Variants in SS18L1 observed in about 807,000 individuals in gnomAD.
SS18L1 encodes the protein calcium-responsive transactivator.
Under a neutral mutation model 70.3 loss-of-function variants are expected in SS18L1, and 32 were observed. The observed-to-expected ratio is 0.46, with a 90% CI of 0.34 to 0.61. SS18L1 has a LOEUF of 0.61. SS18L1 is among the 20% of genes least tolerant of loss of function. SS18L1 has a pLI of 0.01. For synonymous variants in SS18L1, 237 were observed against 229.7 expected (o/e 1.03, Z -0.29); for missense variants, 430 against 542.1 (o/e 0.79, Z 2.05).
intron 1 of SS18L1, among the ~76,000 whole-genome samples, chr20:62,146,183 C>T (rs1203145288): frequency 6.6e-6 from 1 of 152,146 alleles, no homozygotes; most frequent in Non-Finnish European, 1.5e-5. Context: ...TTCTACTCAA[C>T]CTTCAAAGCC....
chr20:62,152,570 A>C (rs1306216371), intron 1 of SS18L1, among the ~76,000 whole-genome samples: 1 of 152,218 alleles, frequency 6.6e-6, no homozygotes, highest in Non-Finnish European at 1.5e-5. Flanking sequence ...TCACAAGTGC[A>C]CATCAGGAAG....
chr20:62,151,075 C>A (rs2057121135), intron 1 of SS18L1, among the ~76,000 whole-genome samples: 1 of 152,214 alleles, frequency 6.6e-6, no homozygotes, highest in Non-Finnish European at 1.5e-5. Flanking sequence ...CCCCAGGCCT[C>A]CTCTGTCTGG....
At chr20:62,168,451 G>A (rs7267581) in intron 8 of SS18L1, among the ~76,000 whole-genome samples, 7,900 of 152,132 alleles carry the variant, frequency 0.052, 653 homozygotes, top group African/African-American at 0.18. Flanking sequence ...TGGAGAGGCT[G>A]GGGGGACGTT....
At chr20:62,143,976 G>A in intron 1 of SS18L1, 87 bp downstream of exon 1, 2 of 866,312 alleles carry the variant, frequency 2.3e-6, no homozygotes, top group South Asian at 1.0e-4. Flanking sequence ...GGCGGGCGCG[G>A]GGCGCGAACA....
At chr20:62,166,758 C>G (rs974851469) in intron 8 of SS18L1, among the ~76,000 whole-genome samples, 2 of 151,356 alleles carry the variant, frequency 1.3e-5, no homozygotes, top group Non-Finnish European at 2.9e-5. Context: ...AACCCCGTCT[C>G]TACTAAAAAT....
Position 62,143,826 on chromosome 20 carries a change from C to A in SS18L1, c.6C>A (p.Ser2=), listed in dbSNP as rs757318219. 7.4e-6 allele frequency: 10 copies of A among 1,343,790 alleles called. No homozygotes were observed. Among genetic ancestry groups the A allele is most frequent in the Non-Finnish European group, 8.8e-6 (9 of 1,017,782 alleles). The allele number at this position is 1,343,790 out of a possible 1,614,324, so 83.2% of individuals were successfully genotyped here. M[S]VAFASARPRG... is the part of the protein sequence containing the mutation. ...CTGAGCCCCGCGCCGCCACCATGTC[C>A]GTGGCCTTCGCGTCTGCCCGGCCAA... The change falls in exon 1 of 11, where the codon TCC becomes TCA. Residue 2 remains serine (S), a synonymous_variant. Coordinates refer to ENST00000331758, the MANE Select transcript of SS18L1 (RefSeq NM_198935.3).
In SS18L1 at chr20:62,180,450, T is replaced by A. The variant is rs943240887; in HGVS notation, c.*1242T>A. On this transcript the variant is annotated 3_prime_UTR_variant, in exon 11 of 11. Coordinates refer to ENST00000331758, the MANE Select transcript of SS18L1 (RefSeq NM_198935.3). ...TCAACCTTTAGTTGGAATAATAATA[T>A]TCATATTTGCTATGAATCCTTTTAA... 5.4e-6 allele frequency: 1 copy of A among 183,514 alleles called. No individual in the cohort carries two copies. The highest frequency in any genetic ancestry group is 2.3e-5 in the African/African-American group (1 of 42,618). The allele number at this position is 183,514 out of a possible 1,614,324, so 11.4% of individuals were successfully genotyped here. A position where few individuals can be genotyped will look rare whatever the true frequency, so the allele number is the denominator to read the frequency against.
rs1282966353 is a variant in SS18L1 at position 62,174,977 on chromosome 20, C to T, written c.1164+333C>T. 2.2e-6 allele frequency: 2 copies of T among 919,276 alleles called. No homozygotes were observed. Among genetic ancestry groups the T allele is most frequent in the African/African-American group, 3.6e-5 (2 of 55,812 alleles). 56.9% of individuals were successfully genotyped at this position (919,276 alleles called of 1,614,324 possible). On this transcript the variant is annotated intron_variant, in intron 10 of 10. Transcript: ENST00000331758. This position sits in a 1 kb window ranked among gnomAD's most constrained non-coding sequence, Gnocchi z 4.1. ...CTTGGTGTGTGGCCGCGACACGAAC[C>T]CTGCACTTTTAGAGCTTATGTCTCG...
chr20:62,170,002 C>T (rs1421974785), intron 8 of SS18L1, among the ~76,000 whole-genome samples: 5 of 152,298 alleles, frequency 3.3e-5, no homozygotes, highest in East Asian at 1.9e-4. Context: ...GTGCTGGGGC[C>T]GCCTTGGCTG....
rs1454546224 is a variant in SS18L1, at chr20:62,163,731, C to T, written c.721+109C>T. 4 of 1,397,054 alleles carry T rather than the reference C, an allele frequency of 2.9e-6. No homozygotes were observed. The African/African-American group carries it at 5.8e-5, about 20-fold the overall frequency. The allele number at this position is 1,397,054 out of a possible 1,614,324, so 86.5% of individuals were successfully genotyped here. ...GAGCCTGGGGGAGTGAGGCGGGGAG[C>T]CTGGGGGAGTGAGGCTTGGCGCCTT... On this transcript the variant is annotated intron_variant, in intron 6 of 10. Transcript: ENST00000331758.
At chr20:62,154,373 C>T (rs1443069827) in intron 1 of SS18L1, 1 of 1,050,184 alleles carries the variant, frequency 9.5e-7, no homozygotes, top group Admixed American at 5.5e-5. Context: ...CGTCCATTCC[C>T]CCTTCACGCC....
At chr20:62,143,937 G>T in intron 1 of SS18L1, 48 bp downstream of exon 1, 1 of 989,456 alleles carries the variant, frequency 1.0e-6, no homozygotes. Flanking sequence ...CTGCGGGCGG[G>T]CGCGCGCGGG....
At chr20:62,150,311 C>A (rs2057103750) in intron 1 of SS18L1, among the ~76,000 whole-genome samples, 1 of 152,214 alleles carries the variant, frequency 6.6e-6, no homozygotes, top group South Asian at 2.1e-4. Context: ...AGGCTGGGCT[C>A]AGAGGGAAGG....
In SS18L1 at chr20:62,179,470, C is replaced by A. The variant is rs2057676052; in HGVS notation, c.*262C>A. ...ACGGAGAGGTATCCTTTTTTTGTCC[C>A]CCGCCCCCTTCTCAATGTTTCTAGC... On this transcript the variant is annotated 3_prime_UTR_variant, in exon 11 of 11. Transcript: ENST00000331758. 3.8e-6 allele frequency: 2 copies of A among 529,120 alleles called. No individual in the cohort carries two copies. Among genetic ancestry groups the A allele is most frequent in the African/African-American group, 1.9e-5 (1 of 52,490 alleles). 32.8% of individuals were successfully genotyped at this position (529,120 alleles called of 1,614,324 possible). A position where few individuals can be genotyped will look rare whatever the true frequency, so the allele number is the denominator to read the frequency against.
chr20:62,145,212 T>C (rs2057003110), intron 1 of SS18L1, among the ~76,000 whole-genome samples: 3 of 152,262 alleles, frequency 2.0e-5, no homozygotes, highest in African/African-American at 7.2e-5. Flanking sequence ...TTTATAAATC[T>C]TGATTCATCC....
chr20:62,152,236 C>T (rs116936073), intron 1 of SS18L1, among the ~76,000 whole-genome samples: 2,126 of 152,320 alleles, frequency 0.014, 24 homozygotes, highest in Non-Finnish European at 0.023. Context: ...CACCCACGCC[C>T]ACTCCACCAT....
chr20:62,177,448 G>C (rs2057639519), intron 10 of SS18L1, among the ~76,000 whole-genome samples: 1 of 152,200 alleles, frequency 6.6e-6, no homozygotes, highest in Non-Finnish European at 1.5e-5. Context: ...AATCATCACA[G>C]GCAGCTCTGG....
At position 62,143,845 on chromosome 20, in the gene SS18L1, C is replaced by A. The variant is rs148870250; in HGVS notation, c.25C>A (p.Arg9=). 38 of 1,327,424 alleles carry A rather than the reference C, an allele frequency of 2.9e-5. No individual in the cohort carries two copies. The African/African-American group carries it at 4.8e-4, about 17-fold the overall frequency. 82.2% of individuals were successfully genotyped at this position (1,327,424 alleles called of 1,614,324 possible). A position where few individuals can be genotyped will look rare whatever the true frequency, so the allele number is the denominator to read the frequency against. MSVAFASA[R]PRGKGEVTQQ... is the part of the protein sequence containing the mutation. Reference sequence around the variant, plus strand: ...CATGTCCGTGGCCTTCGCGTCTGCCCGGCCAAGAGGCAAAGGGGAGGTTAC... The same window carrying A: ...CATGTCCGTGGCCTTCGCGTCTGCCAGGCCAAGAGGCAAAGGGGAGGTTAC... Residue 9 remains arginine (R), a synonymous_variant, in exon 1 of 11, where the codon CGG becomes AGG. Coordinates refer to ENST00000331758, the MANE Select transcript of SS18L1 (RefSeq NM_198935.3).
Position 62,143,801 on chromosome 20 carries a change from C to T in SS18L1, c.-20C>T, listed in dbSNP as rs367784040. ...GAGTATCCACCTCGATGACCACGGG[C>T]TGAGCCCCGCGCCGCCACCATGTCC... On this transcript the variant is annotated 5_prime_UTR_variant, in exon 1 of 11. Coordinates refer to ENST00000331758, the MANE Select transcript of SS18L1 (RefSeq NM_198935.3). The T allele has an allele frequency of 1.3e-5, 17 of 1,348,790 alleles. No individual in the cohort carries two copies. Among genetic ancestry groups the T allele is most frequent in the Non-Finnish European group, 1.7e-5 (17 of 1,020,226 alleles). 83.6% of individuals were successfully genotyped at this position (1,348,790 alleles called of 1,614,324 possible).
Sources: gnomAD v4.1 joint callset for allele counts (sites outside exome capture counted in the v4.1 genomes callset) on GRCh38, gnomAD v4.1.1 for gene constraint, Gnocchi (gnomAD v3.1) non-coding constraint, MANE v1.5 for transcripts, NCBI Gene and HGNC (gene_info 2026-07-23, HGNC 2026-07-21) for gene names.